The following TRPC4AP variants were observed in gnomAD, a reference collection of about 807,000 sequenced individuals.
The protein encoded by TRPC4AP is short transient receptor potential channel 4-associated protein.
Under a neutral mutation model 99.0 loss-of-function variants are expected in TRPC4AP, and 45 were observed. The ratio of observed to expected loss-of-function variants is 0.45; its 90% confidence interval spans 0.36 to 0.58. The LOEUF is 0.58. Ranked by LOEUF, TRPC4AP falls within the 20% of genes least tolerant of loss-of-function variation. TRPC4AP has a pLI of 0.00. For missense variants in TRPC4AP, 879 were observed against 985.3 expected (o/e 0.89, Z 1.44); for synonymous variants, 408 against 385.8 (o/e 1.06, Z -0.67).
At chr20:35,055,111 A>G in intron 4 of TRPC4AP, 80 bp from the exon 5 acceptor site, 4 of 1,261,846 alleles carry the variant, frequency 3.2e-6, no homozygotes, top group Admixed American at 1.7e-5. Flanking sequence ...TTTCAGCATA[A>G]GAACTGTTAT....
chr20:35,007,050 T>C (rs1231774131), intron 14 of TRPC4AP, among the ~76,000 whole-genome samples: 6 of 152,246 alleles, frequency 3.9e-5, no homozygotes, highest in Admixed American at 3.3e-4. Context: ...TACTGAGTTT[T>C]CATCAAGAGA....
At chr20:35,007,717 G>C (rs2082544034) in intron 13 of TRPC4AP, 77 bp from the exon 14 acceptor site, 1 of 1,455,256 alleles carries the variant, frequency 6.9e-7, no homozygotes, top group African/African-American at 1.4e-5. Context: ...GGGGTTGGGA[G>C]ATGTTTGTTG....
At chr20:35,040,768 A>G (rs1001347007) in intron 7 of TRPC4AP, among the ~76,000 whole-genome samples, 1 of 151,942 alleles carries the variant, frequency 6.6e-6, no homozygotes, top group Admixed American at 6.6e-5. Flanking sequence ...TGCCCAGCTA[A>G]TTTTTGTCGC....
intron 4 of TRPC4AP, among the ~76,000 whole-genome samples, chr20:35,055,626 C>T (rs774204063): frequency 3.3e-5 from 5 of 152,224 alleles, no homozygotes; most frequent in Non-Finnish European, 7.3e-5. Flanking sequence ...TCCCTCCTCA[C>T]CCTCCCGAGT....
At chr20:35,069,534 T>C (rs2084249975) in intron 2 of TRPC4AP, 122 bp from the exon 3 acceptor site, 1 of 656,936 alleles carries the variant, frequency 1.5e-6, no homozygotes, top group Non-Finnish European at 2.7e-6. Flanking sequence ...CAGTCCCCAA[T>C]GAACCACACT....
chr20:35,067,332 T>C (rs576751662), intron 3 of TRPC4AP, among the ~76,000 whole-genome samples: 1 of 152,284 alleles, frequency 6.6e-6, no homozygotes, highest in African/African-American at 2.4e-5. Context: ...ACTTTTTTTT[T>C]AAATTTTAAA....
rs553781261 is a variant in TRPC4AP at position 35,087,999 on chromosome 20, G to A, written c.168+4615C>T. Among the ~76,000 whole-genome samples the A allele has an allele frequency of 2.0e-5, 3 of 152,278 alleles. No individual in the cohort carries two copies. The South Asian group carries it at 6.2e-4, about 32-fold the overall frequency. On this transcript the variant is annotated intron_variant, in intron 1 of 18. Transcript: ENST00000252015. ...GAGATGCCCATTAGACATCAAAGTG[G>A]AAATGCTAGAAGGCAATTGGATATA...
intron 2 of TRPC4AP, 80 bp from the exon 3 acceptor site, chr20:35,069,492 AGTC>A: frequency 1.1e-6 from 1 of 891,372 alleles, no homozygotes; most frequent in South Asian, 1.5e-5. Context: ...TTTGAGCTTT[AGTC>A]CCAACTGGAG....
chr20:35,073,265 A>C (rs997699880), intron 2 of TRPC4AP, among the ~76,000 whole-genome samples: 2 of 152,040 alleles, frequency 1.3e-5, no homozygotes, highest in East Asian at 1.9e-4. Flanking sequence ...AATACCCTTT[A>C]TTTCTTTCTC....
rs769282952 is a variant in TRPC4AP, at chr20:35,006,540, C to T, written c.1722G>A (p.Lys574=). The T allele has an allele frequency of 3.1e-6, 5 of 1,614,138 alleles. No individual in the cohort carries two copies. The South Asian group carries it at 3.3e-5, about 11-fold the overall frequency. Residue 574 remains lysine, a synonymous_variant, in exon 15 of 19, where the codon AAG becomes AAA. Transcript: ENST00000252015. ...ILYCIVDSEC[K]SRDVLQSYFD... ...AGTAACTCTGGAGCACATCCCTTGA[C>T]TTACACTCGCTGTCCACAATGCAGT...
intron 12 of TRPC4AP, among the ~76,000 whole-genome samples, chr20:35,009,397 G>GTAATCCC (rs1267992071): frequency 1.1e-4 from 16 of 152,196 alleles, no homozygotes; most frequent in Non-Finnish European, 2.1e-4. Context: ...GTTCACACCT[G>GTAATCCC]TAATCCCTGG....
intron 1 of TRPC4AP, among the ~76,000 whole-genome samples, chr20:35,083,883 C>T (rs115842823): frequency 6.6e-6 from 1 of 151,534 alleles, no homozygotes; most frequent in African/African-American, 2.4e-5. Context: ...AGCTGTATAG[C>T]AGACCTAGTA....
chr20:35,021,419 C>T (rs1002023546), intron 8 of TRPC4AP, 63 bp from the exon 9 acceptor site: 15 of 1,570,778 alleles, frequency 9.5e-6, no homozygotes, highest in South Asian at 1.2e-5. Flanking sequence ...TTCTGCCCCT[C>T]GAACCTGCTC....
intron 8 of TRPC4AP, among the ~76,000 whole-genome samples, chr20:35,029,575 A>G (rs1417019240): frequency 6.8e-6 from 1 of 146,048 alleles, no homozygotes; most frequent in Non-Finnish European, 1.5e-5. Flanking sequence ...ATTTTCTAGT[A>G]TAACATTATA....
At position 35,002,556 on chromosome 20, in the gene TRPC4AP, C is replaced by T. The variant is rs1274976366; in HGVS notation, c.*590G>A. 4.8e-6 allele frequency: 1 copy of T among 208,728 alleles called. No homozygotes were observed. The highest frequency in any genetic ancestry group is 9.5e-6 in the Non-Finnish European group (1 of 105,816). The allele number at this position is 208,728 out of a possible 1,614,324, so 12.9% of individuals were successfully genotyped here. ...GGGCAGGCACAGCTGCCCCGTGCCC[C>T]AAGGGATGGAGGGAAAGGCCCCTCA... On this transcript the variant is annotated 3_prime_UTR_variant, in exon 19 of 19. Coordinates refer to ENST00000252015, the MANE Select transcript of TRPC4AP (RefSeq NM_015638.3).
At chr20:35,015,504 G>A (rs945052374) in intron 10 of TRPC4AP, among the ~76,000 whole-genome samples, 1 of 134,500 alleles carries the variant, frequency 7.4e-6, no homozygotes, top group Admixed American at 8.7e-5. Flanking sequence ...ACTTTGTTAC[G>A]CAGGCTGGAG....
At chr20:35,071,106 C>A (rs1027076579) in intron 2 of TRPC4AP, among the ~76,000 whole-genome samples, 2 of 152,068 alleles carry the variant, frequency 1.3e-5, no homozygotes, top group South Asian at 4.1e-4. Flanking sequence ...CTGTGAGATT[C>A]AAAATATGAA....
In TRPC4AP at chr20:35,072,711, A is replaced by G. The variant is rs2084351748; in HGVS notation, c.298-3299T>C. On this transcript the variant is annotated intron_variant, in intron 2 of 18. Coordinates refer to ENST00000252015, the MANE Select transcript of TRPC4AP (RefSeq NM_015638.3). The stretch of plus-strand genomic sequence containing the variant: ...CTTGTAGTATAGTTTGAAGTCAGGT[A>G]GCGTGATGCCTCCAGCTTTGGTTCT... 4.6e-5 allele frequency among the ~76,000 whole-genome samples: 7 copies of G among 152,192 alleles called. No homozygotes were observed. In the South Asian group the frequency reaches 1.4e-3, roughly 32 times the overall value.
At chr20:35,010,352 C>A in intron 11 of TRPC4AP, 64 bp from the exon 12 acceptor site, 1 of 1,382,960 alleles carries the variant, frequency 7.2e-7, no homozygotes. Flanking sequence ...CAGCACCAGG[C>A]TAGTGTAGGG....
Sources: gnomAD v4.1 joint callset for allele counts (sites outside exome capture counted in the v4.1 genomes callset) on GRCh38, gnomAD v4.1.1 for gene constraint, MANE v1.5 for transcripts, NCBI Gene and HGNC (gene_info 2026-07-23, HGNC 2026-07-21) for gene names.